Variants in FARP1 observed in about 807,000 individuals in gnomAD.
The protein encoded by FARP1 is FERM, ARH/RhoGEF and pleckstrin domain protein 1.
Under a neutral mutation model 128.8 loss-of-function variants are expected in FARP1, and 52 were observed. The ratio of observed to expected loss-of-function variants is 0.40; its 90% CI spans 0.32 to 0.51. FARP1 has a LOEUF of 0.51. FARP1 is among the 20% of genes least tolerant of loss of function. The pLI is 0.45. For synonymous variants in FARP1, 580 were observed against 551.8 expected, an observed-to-expected ratio of 1.05 and a Z score of -0.72; for missense variants, 1,333 against 1,367.9, an observed-to-expected ratio of 0.97 and a Z score of 0.40.
intron 3 of FARP1, among the ~76,000 whole-genome samples, chr13:98,344,133 G>T (rs1888082436): frequency 6.6e-6 from 1 of 152,186 alleles, no homozygotes; most frequent in South Asian, 2.1e-4. Flanking sequence ...TTGAGAAGCT[G>T]TTAATGCATT....
At chr13:98,438,924 C>A in intron 20 of FARP1, 52 bp downstream of exon 20, 1 of 1,580,320 alleles carries the variant, frequency 6.3e-7, no homozygotes, top group Non-Finnish European at 8.7e-7. Context: ...CCTGGGCAAG[C>A]AAGGCTCCCA....
intron 14 of FARP1, among the ~76,000 whole-genome samples, chr13:98,410,453 A>G (rs1320499873): frequency 6.6e-6 from 1 of 152,248 alleles, no homozygotes; most frequent in Non-Finnish European, 1.5e-5. Flanking sequence ...ACCTGGAAGG[A>G]AACCTTCCTA....
At chr13:98,287,322 C>T (rs187820926) in intron 2 of FARP1, among the ~76,000 whole-genome samples, 458 of 147,706 alleles carry the variant, frequency 3.1e-3, no homozygotes, top group African/African-American at 5.7e-3. Flanking sequence ...CTTCTCCTCC[C>T]GGGTTCATGC....
intron 1 of FARP1, among the ~76,000 whole-genome samples, chr13:98,181,025 G>C (rs549590240): frequency 9.2e-5 from 14 of 152,032 alleles, no homozygotes; most frequent in African/African-American, 3.4e-4. Flanking sequence ...CCTACAAACA[G>C]AATTACAGAG....
intron 1 of FARP1, among the ~76,000 whole-genome samples, chr13:98,159,187 T>A (rs1876696335): frequency 6.6e-6 from 1 of 152,194 alleles, no homozygotes; most frequent in South Asian, 2.1e-4. Flanking sequence ...GCCAGTTTTG[T>A]GCTATTATCA....
intron 2 of FARP1, among the ~76,000 whole-genome samples, chr13:98,335,614 C>T (rs912254670): frequency 2.0e-5 from 3 of 152,200 alleles, no homozygotes; most frequent in African/African-American, 7.2e-5. Flanking sequence ...TGCTCATCTT[C>T]TTGCTTTCCT....
At chr13:98,416,938 T>C (rs1016733406) in intron 16 of FARP1, among the ~76,000 whole-genome samples, 1 of 152,124 alleles carries the variant, frequency 6.6e-6, no homozygotes, top group African/African-American at 2.4e-5. Context: ...GCTGCATGTT[T>C]TAGGAGAAAC....
intron 13 of FARP1, among the ~76,000 whole-genome samples, chr13:98,407,728 T>C (rs2140109016): frequency 6.6e-6 from 1 of 152,330 alleles, no homozygotes; most frequent in East Asian, 1.9e-4. Context: ...CGTCTGCCTT[T>C]TGTCATTCTC....
chr13:98,203,363 C>T (rs556105101), intron 1 of FARP1, among the ~76,000 whole-genome samples: 1 of 152,214 alleles, frequency 6.6e-6, no homozygotes, highest in Non-Finnish European at 1.5e-5. Flanking sequence ...ATTTCTATCT[C>T]CCCAAAAAGA....
chr13:98,288,552 C>T (rs1885303343), intron 2 of FARP1, among the ~76,000 whole-genome samples: 1 of 152,220 alleles, frequency 6.6e-6, no homozygotes, highest in Non-Finnish European at 1.5e-5. Context: ...TCACCAACCC[C>T]TTCACTGTGT....
intron 24 of FARP1, chr13:98,445,734 C>G (rs1346107075): frequency 1.8e-5 from 3 of 169,100 alleles, no homozygotes; most frequent in Non-Finnish European, 3.8e-5. Context: ...CCTCAGGACA[C>G]CACTCCCGTT....
At chr13:98,258,605 G>A (rs2139525045) in intron 2 of FARP1, among the ~76,000 whole-genome samples, 1 of 152,248 alleles carries the variant, frequency 6.6e-6, no homozygotes, top group Middle Eastern at 3.4e-3. Flanking sequence ...TGTGATCACA[G>A]CATTTTGGGA....
At chr13:98,245,962 A>C (rs1444958377) in intron 2 of FARP1, among the ~76,000 whole-genome samples, 2 of 151,632 alleles carry the variant, frequency 1.3e-5, no homozygotes, top group Non-Finnish European at 2.9e-5. Flanking sequence ...ATTTTAGTAG[A>C]GACGAGGTTT....
chr13:98,270,013 G>A (rs568119123), intron 2 of FARP1, among the ~76,000 whole-genome samples: 40 of 152,324 alleles, frequency 2.6e-4, no homozygotes, highest in Non-Finnish European at 5.6e-4. Flanking sequence ...GCTGAGGCCA[G>A]AGAATCACTT....
intron 16 of FARP1, among the ~76,000 whole-genome samples, chr13:98,418,286 T>G (rs1891466362): frequency 6.6e-6 from 1 of 151,900 alleles, no homozygotes. Flanking sequence ...TTTTTTGTTT[T>G]TTTTTTGAGA....
chr13:98,276,394 G>A (rs1257648453), intron 2 of FARP1, among the ~76,000 whole-genome samples: 6 of 152,108 alleles, frequency 3.9e-5, no homozygotes, highest in African/African-American at 1.4e-4. Flanking sequence ...TGTTTATGGA[G>A]TTGTTGATTC....
chr13:98,339,973 C>T (rs1052150335), intron 2 of FARP1, among the ~76,000 whole-genome samples: 3 of 152,154 alleles, frequency 2.0e-5, no homozygotes, highest in Admixed American at 6.5e-5. Context: ...TCACAGAAAC[C>T]GCTGCTGACT....
At chr13:98,240,389 A>AGGATGC (rs954444905) in intron 2 of FARP1, among the ~76,000 whole-genome samples, 11 of 152,044 alleles carry the variant, frequency 7.2e-5, no homozygotes, top group Admixed American at 3.3e-4. Context: ...GCAGGAAGGG[A>AGGATGC]GGATGCGGCG....
At chr13:98,336,407 C>T (rs1347367422) in intron 2 of FARP1, among the ~76,000 whole-genome samples, 5 of 152,054 alleles carry the variant, frequency 3.3e-5, no homozygotes, top group Non-Finnish European at 7.4e-5. Flanking sequence ...GTAGCTGGGA[C>T]TACAGGCACG....
Sources: gnomAD v4.1 joint callset for allele counts (sites outside exome capture counted in the v4.1 genomes callset) on GRCh38, gnomAD v4.1.1 for gene constraint, MANE v1.5 for transcripts, NCBI Gene and HGNC (gene_info 2026-07-23, HGNC 2026-07-21) for gene names.